PARP14: variants seen among roughly 807,000 people sequenced by gnomAD.
PARP14 encodes poly(ADP-ribose) polymerase family member 14.
A neutral mutation model predicts 154.2 loss-of-function variants in PARP14; 59 were observed. That is an observed-to-expected ratio of 0.38 (90% CI 0.31 to 0.48). PARP14 has a LOEUF of 0.48. Among genes scored for constraint, PARP14 ranks in the 20% least tolerant of loss-of-function variants. The pLI is 0.98. For missense variants in PARP14, 1,734 were observed against 2,131.6 expected, an observed-to-expected ratio of 0.81 and a Z score of 3.67; for synonymous variants, 720 against 780.5, an observed-to-expected ratio of 0.92 and a Z score of 1.29.
Position 122,720,255 on chromosome 3 carries a change from T to G in PARP14, c.4808T>G (p.Val1603Gly). The change falls in exon 15 of 17, where the codon GTT becomes GGT. Residue 1603 changes from valine to glycine, a missense_variant and splice_region_variant. This residue lies in a region of PARP14 where 1,646 missense variants were observed against 1,976.0 expected (regional missense o/e 0.83). Transcript: ENST00000474629. ...GCATCCTCAAATGTCTCCTTTGCAG[T>G]TGACATCCCTGCACACTGGAGTGAT... The part of the protein sequence containing the change: ...LSVQRLTKSK[V>G]DIPAHWSDMK... The G allele has an allele frequency of 6.2e-7, 1 of 1,612,658 alleles. No homozygotes were observed. Among genetic ancestry groups the G allele is most frequent in the Non-Finnish European group, 8.5e-7 (1 of 1,179,184 alleles).
At chr3:122,713,694 A>T (rs1322287675) in intron 10 of PARP14, 121 bp downstream of exon 10, 2 of 985,762 alleles carry the variant, frequency 2.0e-6, no homozygotes, top group African/African-American at 3.3e-5. Flanking sequence ...AATTATGCTG[A>T]CAGGGTTTTC....
chr3:122,725,989 C>T (rs185014860), intron 15 of PARP14, among the ~76,000 whole-genome samples: 205 of 152,226 alleles, frequency 1.3e-3, no homozygotes, highest in African/African-American at 4.5e-3. Context: ...ACTTATTGAA[C>T]TGTAATGTAA....
chr3:122,695,669 T>C lies in PARP14; in HGVS notation c.835+7T>C. The C allele has an allele frequency of 1.5e-6, 2 of 1,334,154 alleles. No individual in the cohort carries two copies. The highest frequency in any genetic ancestry group is 2.1e-6 in the Non-Finnish European group (2 of 932,786). 82.6% of individuals were successfully genotyped at this position (1,334,154 alleles called of 1,614,324 possible). On this transcript the variant is annotated splice_region_variant and intron_variant, in intron 5 of 16. Transcript: ENST00000474629. ...GAATTTTTTGACAGAAAAGGTAATATTTATTAACCTGTCATACCTGGCATA... is the reference window on the plus strand; with the variant it reads ...GAATTTTTTGACAGAAAAGGTAATACTTATTAACCTGTCATACCTGGCATA...
chr3:122,714,819 C>G (rs1323622615), intron 12 of PARP14, among the ~76,000 whole-genome samples: 5 of 152,202 alleles, frequency 3.3e-5, no homozygotes, highest in African/African-American at 7.2e-5. Flanking sequence ...TTTCCCCTCT[C>G]CATGGAGAAT....
intron 9 of PARP14, among the ~76,000 whole-genome samples, chr3:122,710,716 C>T (rs1267512808): frequency 6.6e-6 from 1 of 151,808 alleles, no homozygotes; most frequent in African/African-American, 2.4e-5. Context: ...TTGTTTGTGT[C>T]ATTTCTTTGA....
In PARP14 at chr3:122,700,651, G is replaced by T. The variant is rs369314376; in HGVS notation, c.2097G>T (p.Lys699Asn). ...AGCTATTCTGGCCAAAGATAAAGAA[G>T]GTAAATGTGCAGGTAAGTTTCAATC... ...EKKLFWPKIK[K>N]VNVQVSFNPE... Residue 699 changes from lysine (K) to asparagine (N), a missense_variant, in exon 6 of 17, where the codon AAG (lysine) becomes AAT (asparagine). By Grantham distance (94) the Lys-to-Asn change is moderately conservative (BLOSUM62 0). Coordinates refer to ENST00000474629, the MANE Select transcript of PARP14 (RefSeq NM_017554.3). 1 of 1,606,992 alleles carries T rather than the reference G, an allele frequency of 6.2e-7. No homozygotes were observed. Among genetic ancestry groups the T allele is most frequent in the African/African-American group, 1.3e-5 (1 of 74,940 alleles).
rs569479175 is a variant in PARP14 at position 122,689,846 on chromosome 3, G to A, written c.356-2455G>A. On this transcript the variant is annotated intron_variant, in intron 3 of 16. Coordinates refer to ENST00000474629, the MANE Select transcript of PARP14 (RefSeq NM_017554.3). Reference sequence around the variant, plus strand: ...GGAGATAAAGTCCAGACCACCTTCTGGATCTAGTCTGCTTTTCTGGCCTCA... The same window carrying A: ...GGAGATAAAGTCCAGACCACCTTCTAGATCTAGTCTGCTTTTCTGGCCTCA... 2.0e-5 allele frequency among the ~76,000 whole-genome samples: 3 copies of A among 152,110 alleles called. 1 individual carries two copies. The highest frequency in any genetic ancestry group is 4.1e-4 in the South Asian group (2 of 4,822).
At chr3:122,694,703 A>G (rs1938713325) in intron 4 of PARP14, among the ~76,000 whole-genome samples, 2 of 152,136 alleles carry the variant, frequency 1.3e-5, no homozygotes, top group Admixed American at 1.3e-4. Context: ...TATTTTTAGT[A>G]GAGACGGAGT....
rs77483042 is a variant in PARP14, at chr3:122,695,922, T to C, written c.835+260T>C. Among the ~76,000 whole-genome samples, 1,480 of 152,286 alleles carry C rather than the reference T, an allele frequency of 9.7e-3. 24 individuals are homozygous for C. Among genetic ancestry groups the C allele is most frequent in the African/African-American group, 0.034 (1,425 of 41,536 alleles). ...ACCTATGATGGGCTGAAAAATATAT[T>C]CTTGGGATCTTTGAAATAATATATT... is the stretch of plus-strand genomic sequence containing the variant. On this transcript the variant is annotated intron_variant, in intron 5 of 16. Coordinates refer to ENST00000474629, the MANE Select transcript of PARP14 (RefSeq NM_017554.3).
At chr3:122,719,044 A>G in intron 14 of PARP14, 86 bp downstream of exon 14, 2 of 1,264,958 alleles carry the variant, frequency 1.6e-6, no homozygotes, top group South Asian at 3.8e-5. Context: ...AGAATTTCAA[A>G]TTGGAAAAAA....
chr3:122,711,945 C>A (rs557720234), intron 9 of PARP14, among the ~76,000 whole-genome samples: 4 of 152,236 alleles, frequency 2.6e-5, no homozygotes, highest in Non-Finnish European at 5.9e-5. Context: ...AGTTTCATTT[C>A]TAATTGAGCT....
chr3:122,710,292 C>T (rs1165624330), intron 9 of PARP14, among the ~76,000 whole-genome samples: 1 of 152,124 alleles, frequency 6.6e-6, no homozygotes, highest in African/African-American at 2.4e-5. Context: ...CCAGTTTTCC[C>T]AGCACCGTTT....
intron 8 of PARP14, among the ~76,000 whole-genome samples, chr3:122,707,087 T>C (rs1418640276): frequency 6.6e-6 from 1 of 152,210 alleles, no homozygotes. Context: ...TTTAGTTGGA[T>C]TTTATTCCAG....
At chr3:122,710,419 C>A (rs191755355) in intron 9 of PARP14, among the ~76,000 whole-genome samples, 1 of 152,154 alleles carries the variant, frequency 6.6e-6, no homozygotes, top group East Asian at 1.9e-4. Flanking sequence ...GGTCTATGTG[C>A]CTATTTTTAT....
rs774005435 is a variant in PARP14, at chr3:122,728,415, C to T, written c.5224C>T (p.Arg1742Ter). 5.0e-6 allele frequency: 8 copies of T among 1,613,588 alleles called. No homozygotes were observed. Among genetic ancestry groups the T allele is most frequent in the Non-Finnish European group, 5.1e-6 (6 of 1,179,676 alleles). Residue 1742 changes from arginine to a stop codon, truncating the protein, a stop_gained, in exon 17 of 17, where the codon CGA becomes TGA. Coordinates refer to ENST00000474629, the MANE Select transcript of PARP14 (RefSeq NM_017554.3). LOFTEE classifies it low-confidence loss of function (END_TRUNC). ...TGGGAGAAAGCATGTGTATTATGTGCGAGTACTTACTGGAATCTATACACA... is the reference window on the plus strand; with the variant it reads ...TGGGAGAAAGCATGTGTATTATGTGTGAGTACTTACTGGAATCTATACACA... ...ANGRKHVYYV[R>*]VLTGIYTHGN... is the part of the protein sequence containing the mutation.
intron 1 of PARP14, chr3:122,683,364 G>C: frequency 1.3e-6 from 1 of 746,768 alleles, no homozygotes; most frequent in Non-Finnish European, 1.6e-6. Context: ...CAGATAACAA[G>C]AATGAGCCCA....
chr3:122,692,926 C>T (rs962065298), intron 4 of PARP14, among the ~76,000 whole-genome samples: 2 of 152,254 alleles, frequency 1.3e-5, no homozygotes, highest in East Asian at 1.9e-4. Flanking sequence ...TTTGTATTAC[C>T]AAACTGGACT....
chr3:122,680,982 C>A lies in PARP14; in HGVS notation c.99C>A (p.Ser33Arg), dbSNP rs1227703244. The change falls in exon 1 of 17, where the codon AGC becomes AGA. Residue 33 changes from serine (S) to arginine (R), a missense_variant. Coordinates refer to ENST00000474629, the MANE Select transcript of PARP14 (RefSeq NM_017554.3). The part of the protein sequence containing the change: ...LNTKLQMYFQ[S>R]PKRSGGGECE... ...CCAAGTTGCAGATGTACTTCCAGAG[C>A]CCGAAGAGGTCGGGAGGCGGCGAGT... 1 of 1,613,778 alleles carries A rather than the reference C, an allele frequency of 6.2e-7. No homozygotes were observed.
chr3:122,713,827 T>C (rs1399723993), intron 10 of PARP14, 45 bp from the exon 11 acceptor site: 2 of 1,340,644 alleles, frequency 1.5e-6, no homozygotes, highest in South Asian at 1.2e-5. Flanking sequence ...TATACCATAG[T>C]GGTTTTTTAC....
Sources: allele counts gnomAD v4.1 joint callset (sites outside exome capture counted in the v4.1 genomes callset), GRCh38; gene constraint gnomAD v4.1.1; regional missense constraint gnomAD v4.1.1; transcripts MANE v1.5; gene names NCBI Gene and HGNC (gene_info 2026-07-23, HGNC 2026-07-21).